Variants in KSR1 observed in about 807,000 individuals in gnomAD.
KSR1 encodes the protein kinase suppressor of ras.
A neutral mutation model predicts 92.9 loss-of-function variants in KSR1; 35 were observed. The ratio of observed to expected loss-of-function variants is 0.38; its 90% CI spans 0.29 to 0.50. The LOEUF is 0.50. Ranked by LOEUF, KSR1 falls within the 20% of genes least tolerant of loss-of-function variation. The pLI is 0.94. For synonymous variants in KSR1, 467 were observed against 472.6 expected (o/e 0.99, Z 0.15); for missense variants, 972 against 1,158.5 (o/e 0.84, Z 2.34).
chr17:27,623,178 G>A lies in KSR1; in HGVS notation c.2709-136G>A. On this transcript the variant is annotated intron_variant, in intron 20 of 20. Coordinates refer to ENST00000644974, the MANE Select transcript of KSR1 (RefSeq NM_001394583.1). The stretch of plus-strand genomic sequence containing the variant: ...GTATGACCAGGGGCAGCTCTGCCAG[G>A]GCTGTTGGCCAATCAGTCATTTTCA... 1.0e-5 allele frequency: 7 copies of A among 688,330 alleles called. No individual in the cohort carries two copies. In the East Asian group the frequency reaches 1.6e-4, roughly 16 times the overall value. 42.6% of individuals were successfully genotyped at this position (688,330 alleles called of 1,614,324 possible).
chr17:27,604,559 C>T, intron 12 of KSR1, 121 bp from the exon 13 acceptor site: 1 of 1,001,226 alleles, frequency 1.0e-6, no homozygotes, highest in Admixed American at 1.8e-5. Flanking sequence ...GCGGCCTTTC[C>T]CCTAGCCAGG....
rs567112301 is a variant in KSR1, at chr17:27,461,974, C to T, written c.231+5100C>T. Among the ~76,000 whole-genome samples, 3 of 146,314 alleles carry T rather than the reference C, an allele frequency of 2.1e-5. No individual in the cohort carries two copies. In the East Asian group the frequency reaches 6.3e-4, roughly 31 times the overall value. On this transcript the variant is annotated intron_variant, in intron 1 of 20. Transcript: ENST00000644974. ...TGTGGCCAAGTCTCTCTAAGCTATG[C>T]CTTTTTAAAAGGCCATCCTTTCAGA...
At chr17:27,545,465 C>G (rs866447896) in intron 1 of KSR1, among the ~76,000 whole-genome samples, 2 of 152,172 alleles carry the variant, frequency 1.3e-5, no homozygotes, top group South Asian at 4.1e-4. Flanking sequence ...ACAAGAGGAT[C>G]ACTTGAGCCT....
intron 1 of KSR1, among the ~76,000 whole-genome samples, chr17:27,544,733 A>G (rs926439392): frequency 6.6e-6 from 1 of 152,164 alleles, no homozygotes; most frequent in African/African-American, 2.4e-5. Flanking sequence ...GAAAATTTAT[A>G]TCTTGCGGTT....
intron 1 of KSR1, among the ~76,000 whole-genome samples, chr17:27,474,374 T>C (rs2068277253): frequency 2.0e-5 from 3 of 152,236 alleles, no homozygotes; most frequent in Admixed American, 6.5e-5. Context: ...TGCTGGACCA[T>C]GGGTGGCTTC....
intron 1 of KSR1, among the ~76,000 whole-genome samples, chr17:27,517,311 ACT>A (rs764142799): frequency 2.0e-5 from 3 of 151,748 alleles, no homozygotes; most frequent in Non-Finnish European, 2.9e-5. Flanking sequence ...GTCTTTAATA[ACT>A]CTTTTTCTTT....
chr17:27,479,649 T>G (rs2068454156), intron 1 of KSR1, among the ~76,000 whole-genome samples: 1 of 152,194 alleles, frequency 6.6e-6, no homozygotes, highest in Non-Finnish European at 1.5e-5. Context: ...TGGACTTCCC[T>G]TGAGAGCTGG....
chr17:27,608,824 C>T (rs2073835916), intron 15 of KSR1, among the ~76,000 whole-genome samples: 1 of 152,184 alleles, frequency 6.6e-6, no homozygotes, highest in South Asian at 2.1e-4. Flanking sequence ...GACAGAAAAC[C>T]CCAGCTCATT....
chr17:27,578,987 C>G (rs894556673), intron 3 of KSR1: 1 of 152,250 alleles, frequency 6.6e-6, no homozygotes, highest in Non-Finnish European at 1.5e-5. Context: ...GGGCTTTGAA[C>G]TCAGGTTTCT....
intron 1 of KSR1, chr17:27,483,963 G>T (rs1434518466): frequency 6.6e-6 from 1 of 152,298 alleles, no homozygotes; most frequent in Non-Finnish European, 1.5e-5. Flanking sequence ...CTCTTTGAGG[G>T]CCTCTGGATG....
rs151247314 is a variant in KSR1, at chr17:27,623,956, C to G, written c.*564C>G. 22 of 245,720 alleles carry G rather than the reference C, an allele frequency of 9.0e-5. 1 individual carries two copies. The highest frequency in any genetic ancestry group is 3.3e-4 in the African/African-American group (15 of 44,834). 15.2% of individuals were successfully genotyped at this position (245,720 alleles called of 1,614,324 possible). On this transcript the variant is annotated 3_prime_UTR_variant, in exon 21 of 21. Transcript: ENST00000644974. ...CCTCGTCTTGCAGAGGAAACCCTGG[C>G]TAGGAACTGAGCTAGTTTATGGAGT...
Position 27,605,690 on chromosome 17 carries a change from A to G in KSR1, c.1871A>G (p.His624Arg). 1.9e-6 allele frequency: 3 copies of G among 1,612,914 alleles called. No homozygotes were observed. Among genetic ancestry groups the G allele is most frequent in the Non-Finnish European group, 2.5e-6 (3 of 1,179,854 alleles). The stretch of plus-strand genomic sequence containing the variant: ...ATTCGCCTGCTGGAGATGGACGGCC[A>G]CAACCAGGACCACCTGAAGCTCTTC... Reference protein sequence around the residue: ...VAIRLLEMDGHNQDHLKLFKK... With the variant: ...VAIRLLEMDGRNQDHLKLFKK... Residue 624 changes from histidine to arginine, a missense_variant, in exon 14 of 21, where the codon CAC (histidine) becomes CGC (arginine). His to Arg is a conservative substitution (Grantham distance 29, BLOSUM62 0). Coordinates refer to ENST00000644974, the MANE Select transcript of KSR1 (RefSeq NM_001394583.1).
chr17:27,619,721 T>C (rs977568446), intron 19 of KSR1, among the ~76,000 whole-genome samples: 5 of 151,074 alleles, frequency 3.3e-5, no homozygotes, highest in African/African-American at 1.2e-4. Context: ...TTTATTTTTT[T>C]GTTTTTTCTG....
Position 27,588,484 on chromosome 17 carries a change from A to G in KSR1, c.995A>G (p.His332Arg). 1.3e-6 allele frequency: 2 copies of G among 1,585,464 alleles called. No homozygotes were observed. Among genetic ancestry groups the G allele is most frequent in the Non-Finnish European group, 1.7e-6 (2 of 1,166,020 alleles). The change falls in exon 6 of 21, where the codon CAT becomes CGT. Residue 332 changes from histidine (H) to arginine (R), a missense_variant. His to Arg is a conservative substitution (Grantham distance 29). This residue lies in a region of KSR1 where 611 missense variants were observed against 668.0 expected (regional missense o/e 0.91). Transcript: ENST00000644974. ...DVSSMRFDLS[H>R]GSPQMVRRDI... ...GCCTCTTTCCCTGCAGATCTCTCGC[A>G]TGGATCCCCACAGATGGTACGGAGG... is the stretch of plus-strand genomic sequence containing the variant.
chr17:27,549,696 G>A (rs912649347), intron 1 of KSR1, among the ~76,000 whole-genome samples: 33 of 152,284 alleles, frequency 2.2e-4, no homozygotes, highest in African/African-American at 7.2e-4. Context: ...TCCGAGTCCA[G>A]GACCCTGGCC....
chr17:27,502,793 T>C (rs925733198), intron 1 of KSR1, among the ~76,000 whole-genome samples: 1 of 152,240 alleles, frequency 6.6e-6, no homozygotes, highest in Non-Finnish European at 1.5e-5. Flanking sequence ...CCTTCCAGCG[T>C]TGGATTCCTG....
intron 1 of KSR1, among the ~76,000 whole-genome samples, chr17:27,515,049 G>A (rs755332441): frequency 5.9e-5 from 9 of 152,180 alleles, no homozygotes; most frequent in Non-Finnish European, 8.8e-5. Context: ...AGGGATTCCC[G>A]AGGTTAAGGA....
At chr17:27,543,820 G>T (rs916273218) in intron 1 of KSR1, among the ~76,000 whole-genome samples, 1 of 152,176 alleles carries the variant, frequency 6.6e-6, no homozygotes, top group Admixed American at 6.5e-5. Context: ...GAGTCAGCTG[G>T]GTGGGTACAG....
At chr17:27,481,098 A>T (rs1016323383) in intron 1 of KSR1, among the ~76,000 whole-genome samples, 1 of 152,236 alleles carries the variant, frequency 6.6e-6, no homozygotes. Context: ...TGCCAGAGAC[A>T]TGAAACCATA....
Sources: allele counts gnomAD v4.1 joint callset (sites outside exome capture counted in the v4.1 genomes callset), GRCh38; gene constraint gnomAD v4.1.1; regional missense constraint gnomAD v4.1.1; transcripts MANE v1.5; gene names NCBI Gene and HGNC (gene_info 2026-07-23, HGNC 2026-07-21).